The following YKT6 variants were observed in gnomAD, a reference collection of about 807,000 sequenced individuals.
YKT6 encodes the protein YKT6 vesicular SNARE protein.
A neutral mutation model predicts 29.3 loss-of-function variants in YKT6; 12 were observed. The observed-to-expected ratio is 0.41, with a 90% CI of 0.26 to 0.66. The LOEUF (loss-of-function observed/expected upper bound fraction) is 0.66, where lower values mean the gene tolerates loss of function less well. Ranked by LOEUF, YKT6 falls within the 30% of genes least tolerant of loss-of-function variation. The probability of loss-of-function intolerance (pLI) is 0.32; values close to 1 mark genes in which losing one functional copy is unlikely to be tolerated. For missense variants in YKT6, 188 were observed against 243.8 expected, an observed-to-expected ratio of 0.77 and a Z score of 1.52; for synonymous variants, 86 against 94.3, an observed-to-expected ratio of 0.91 and a Z score of 0.51.
intron 1 of YKT6, among the ~76,000 whole-genome samples, chr7:44,204,182 T>C (rs967668007): frequency 6.6e-6 from 1 of 152,244 alleles, no homozygotes; most frequent in African/African-American, 2.4e-5. Flanking sequence ...TGCACACTAT[T>C]CTTCTAGTGC....
Position 44,203,824 on chromosome 7 carries a change from G to A in YKT6, c.105-744G>A, listed in dbSNP as rs143534685. Among the ~76,000 whole-genome samples the A allele has an allele frequency of 9.2e-5, 14 of 152,306 alleles. No homozygotes were observed. In the East Asian group the frequency reaches 2.5e-3, roughly 27 times the overall value. On this transcript the variant is annotated intron_variant, in intron 1 of 6. Coordinates refer to ENST00000223369, the MANE Select transcript of YKT6 (RefSeq NM_006555.4). ...CTGCAGACTCCCATTTGAGCACCCT[G>A]CTTTGATGGCCCTGGTTGCCCTTTA...
chr7:44,209,816 C>G (rs2128840347), intron 5 of YKT6, among the ~76,000 whole-genome samples: 1 of 152,286 alleles, frequency 6.6e-6, no homozygotes, highest in East Asian at 1.9e-4. Context: ...TAGACCCCTT[C>G]CCATGGGGTC....
rs1170871324 is a variant in YKT6, at chr7:44,211,054, G to C, written c.491G>C (p.Gly164Ala). ...ACCATGGAGTCTCTGTTAGAGCGAG[G>C]TGAGAAGCTAGATGACTTGGTGTCC... ...HNTMESLLER[G>A]EKLDDLVSKS... The change falls in exon 6 of 7, where the codon GGT (glycine) becomes GCT (alanine). Residue 164 changes from glycine (G) to alanine (A), a missense_variant. By Grantham distance (60) the Gly-to-Ala change is moderately conservative. Coordinates refer to ENST00000223369, the MANE Select transcript of YKT6 (RefSeq NM_006555.4). The C allele has an allele frequency of 1.2e-6, 2 of 1,614,088 alleles. No homozygotes were observed. Among genetic ancestry groups the C allele is most frequent in the Non-Finnish European group, 1.7e-6 (2 of 1,180,020 alleles).
chr7:44,211,981 T>C (rs1438792665), intron 6 of YKT6, among the ~76,000 whole-genome samples: 1 of 152,238 alleles, frequency 6.6e-6, no homozygotes, highest in Non-Finnish European at 1.5e-5. Context: ...GGAATTTTAC[T>C]CACTTTTTGA....
chr7:44,207,757 C>CA (rs2096342314), intron 4 of YKT6, among the ~76,000 whole-genome samples: 1 of 151,022 alleles, frequency 6.6e-6, no homozygotes, highest in African/African-American at 2.4e-5. Flanking sequence ...GTTGGAGTCT[C>CA]ACTCTGTTTC....
chr7:44,212,439 G>C lies in YKT6; in HGVS notation c.*157G>C, dbSNP rs1353566345. ...TCCTGCGAGAAATGGATGGTGGAAG[G>C]GTGGCGAATGTTCAAATTCATATGT... is the stretch of plus-strand genomic sequence containing the variant. On this transcript the variant is annotated 3_prime_UTR_variant, in exon 7 of 7. Transcript: ENST00000223369. The C allele has an allele frequency of 5.5e-6, 5 of 902,538 alleles. No homozygotes were observed. The highest frequency in any genetic ancestry group is 8.5e-6 in the Non-Finnish European group (5 of 589,850). The allele number at this position is 902,538 out of a possible 1,614,324, so 55.9% of individuals were successfully genotyped here.
intron 5 of YKT6, among the ~76,000 whole-genome samples, chr7:44,209,764 C>A (rs2096344689): frequency 6.6e-6 from 1 of 152,186 alleles, no homozygotes; most frequent in Admixed American, 6.5e-5. Flanking sequence ...TTCCTGAGGG[C>A]CCTGGCAGCA....
At chr7:44,204,509 C>T in intron 1 of YKT6, 59 bp from the exon 2 acceptor site, 1 of 1,565,468 alleles carries the variant, frequency 6.4e-7, no homozygotes. Flanking sequence ...GGTCACTTTC[C>T]ACTGTGTTGG....
At chr7:44,201,275 G>C in intron 1 of YKT6, 36 bp downstream of exon 1, 1 of 1,592,636 alleles carries the variant, frequency 6.3e-7, no homozygotes, top group Non-Finnish European at 8.6e-7. Context: ...TGGCGGTCGG[G>C]CGGAGAGGAC....
chr7:44,203,099 ATTTAT>A (rs1162544081), intron 1 of YKT6, among the ~76,000 whole-genome samples: 1 of 152,022 alleles, frequency 6.6e-6, no homozygotes, highest in Non-Finnish European at 1.5e-5. Flanking sequence ...TTATTTATTT[ATTTAT>A]TTTATTTTAG....
chr7:44,212,019 A>G (rs1049178503), intron 6 of YKT6, among the ~76,000 whole-genome samples: 26 of 152,226 alleles, frequency 1.7e-4, no homozygotes, highest in African/African-American at 6.3e-4. Flanking sequence ...GAGAAAAGAA[A>G]GGAAAAAGGA....
intron 1 of YKT6, among the ~76,000 whole-genome samples, chr7:44,202,529 TTG>T (rs1311883661): frequency 1.3e-5 from 2 of 152,258 alleles, no homozygotes; most frequent in African/African-American, 4.8e-5. Context: ...CATATAGTTT[TTG>T]TGTGTCTGGC....
chr7:44,201,696 A>C (rs1400347619), intron 1 of YKT6, among the ~76,000 whole-genome samples: 1 of 152,108 alleles, frequency 6.6e-6, no homozygotes, highest in African/African-American at 2.4e-5. Context: ...AACACTTCCC[A>C]CCCAGTGATT....
chr7:44,205,155 T>G (rs769046222), intron 2 of YKT6, among the ~76,000 whole-genome samples: 5 of 152,232 alleles, frequency 3.3e-5, no homozygotes, highest in Admixed American at 2.0e-4. Flanking sequence ...CTCACACTTA[T>G]GCTAACCTCA....
intron 2 of YKT6, among the ~76,000 whole-genome samples, chr7:44,206,096 G>T (rs2096340519): frequency 6.6e-6 from 1 of 152,198 alleles, no homozygotes; most frequent in Non-Finnish European, 1.5e-5. Flanking sequence ...TGCTCCTGGG[G>T]CCATGTTGTC....
rs755521081 is a variant in YKT6 at position 44,212,230 on chromosome 7, CTTTG to C, written c.562-13_562-10del. On this transcript the variant is annotated splice_polypyrimidine_tract_variant and intron_variant, in intron 6 of 6. Coordinates refer to ENST00000223369, the MANE Select transcript of YKT6 (RefSeq NM_006555.4). ...TCGTCAGTCCTCCTTCTCAGCTCCT[CTTTG>C]TTTTTTTCCAAGGCCCGGAAACAAA... 44 of 1,613,970 alleles carry C rather than the reference CTTTG, an allele frequency of 2.7e-5. No homozygotes were observed. The highest frequency in any genetic ancestry group is 3.4e-5 in the Non-Finnish European group (40 of 1,180,014).
rs1283375152 is a variant in YKT6 at position 44,201,099 on chromosome 7, G to A, written c.-37G>A. 1.4e-5 allele frequency: 21 copies of A among 1,531,862 alleles called. No individual in the cohort carries two copies. Among genetic ancestry groups the A allele is most frequent in the Admixed American group, 2.0e-5 (1 of 49,138 alleles). 94.9% of individuals were successfully genotyped at this position (1,531,862 alleles called of 1,614,324 possible). On this transcript the variant is annotated 5_prime_UTR_variant, in exon 1 of 7. Transcript: ENST00000223369. Reference sequence around the variant, plus strand: ...GCGCTGCTCCCTGAGAACGGGTCCCGCAGCTGGGCAGGCGGGCGGCCTGAG... The same window carrying A: ...GCGCTGCTCCCTGAGAACGGGTCCCACAGCTGGGCAGGCGGGCGGCCTGAG...
intron 1 of YKT6, among the ~76,000 whole-genome samples, chr7:44,204,347 G>A (rs2096338736): frequency 6.6e-6 from 1 of 152,150 alleles, no homozygotes; most frequent in South Asian, 2.1e-4. Context: ...CACCTGTTTT[G>A]GTGAGCCAGG....
chr7:44,204,867 A>G (rs1206406068), intron 2 of YKT6, among the ~76,000 whole-genome samples: 1 of 152,214 alleles, frequency 6.6e-6, no homozygotes, highest in Non-Finnish European at 1.5e-5. Context: ...AGACTCATTT[A>G]AGATTAGGGT....
Sources: allele counts gnomAD v4.1 joint callset (sites outside exome capture counted in the v4.1 genomes callset), GRCh38; gene constraint gnomAD v4.1.1; transcripts MANE v1.5; gene names NCBI Gene and HGNC (gene_info 2026-07-23, HGNC 2026-07-21).